Variants in STARD9 observed in about 807,000 individuals in gnomAD.
STARD9 encodes stAR-related lipid transfer protein 9.
STARD9 carries 346 observed loss-of-function variants against 399.8 expected under a neutral mutation model. The observed-to-expected ratio is 0.87, with a 90% CI of 0.79 to 0.95. The LOEUF (loss-of-function observed/expected upper bound fraction) is 0.95. Among genes scored for constraint, STARD9 ranks in the 40% least tolerant of loss-of-function variants. STARD9 has a pLI of 0.00. For synonymous variants in STARD9, 2,203 were observed against 2,143.5 expected, an observed-to-expected ratio of 1.03 and a Z score of -0.77; for missense variants, 5,832 against 5,667.5, an observed-to-expected ratio of 1.03 and a Z score of -0.93.
chr15:42,713,744 C>T (rs1455708010), intron 26 of STARD9, among the ~76,000 whole-genome samples: 3 of 152,072 alleles, frequency 2.0e-5, no homozygotes, highest in Admixed American at 6.6e-5. Flanking sequence ...ATCCTACTTG[C>T]TCGTGATATA....
intron 3 of STARD9, among the ~76,000 whole-genome samples, chr15:42,621,059 C>T (rs1176962109): frequency 6.6e-6 from 1 of 152,104 alleles, no homozygotes; most frequent in Non-Finnish European, 1.5e-5. Flanking sequence ...GTATACATGT[C>T]CCTTAATTTG....
At chr15:42,609,141 G>A (rs994168212) in intron 3 of STARD9, among the ~76,000 whole-genome samples, 1 of 152,102 alleles carries the variant, frequency 6.6e-6, no homozygotes, top group African/African-American at 2.4e-5. Flanking sequence ...AGTGGGGGGC[G>A]GGAAGGGGAA....
At position 42,691,087 on chromosome 15, in the gene STARD9, G is replaced by GT; in HGVS notation, c.9515dup (p.Leu3172PhefsTer9). 2.0e-6 allele frequency: 3 copies of GT among 1,537,174 alleles called. No homozygotes were observed. Among genetic ancestry groups the GT allele is most frequent in the Non-Finnish European group, 1.7e-6 (2 of 1,146,902 alleles). ...GAATGTTTAGAAAATACCACTAGATGTTTTTTGGAAAAGCCACAATTTTCC... is the reference window on the plus strand; with the variant it reads ...GAATGTTTAGAAAATACCACTAGATGTTTTTTTGGAAAAGCCACAATTTTCC... On this transcript the variant is annotated frameshift_variant, in exon 23 of 33. Transcript: ENST00000290607. LOFTEE classifies it high-confidence loss of function.
At position 42,687,609 on chromosome 15, in the gene STARD9, T is replaced by C; in HGVS notation, c.6031T>C (p.Cys2011Arg). The change falls in exon 23 of 33, where the codon TGC (cysteine) becomes CGC (arginine). Residue 2011 changes from cysteine (C) to arginine (R), a missense_variant. Around this residue, in one of 2 missense-constraint regions of STARD9, gnomAD observed 5,828 missense variants for 5,651.1 expected, o/e 1.03. Transcript: ENST00000290607. Reference sequence around the variant, plus strand: ...ATATGAAAGGTTCCAGTTAGTTGCATGCCCTCAGGAAAGAAACCCCAGTGA... The same window carrying C: ...ATATGAAAGGTTCCAGTTAGTTGCACGCCCTCAGGAAAGAAACCCCAGTGA... ...PAYERFQLVA[C>R]PQERNPSECK... The C allele has an allele frequency of 6.5e-7, 1 of 1,537,082 alleles. No individual in the cohort carries two copies.
rs772387314 is a variant in STARD9 at position 42,691,871 on chromosome 15, A to T, written c.10293A>T (p.Glu3431Asp). 5.9e-6 allele frequency: 9 copies of T among 1,537,186 alleles called. No homozygotes were observed. The highest frequency in any genetic ancestry group is 7.8e-6 in the Non-Finnish European group (9 of 1,146,930). ...CCAGCTGGATGTCTGGTACTTTGGA[A>T]CAAGCCCAACAGGGAAAGCGAGAGA... The part of the protein sequence containing the change: ...FTTSWMSGTL[E>D]QAQQGKREKL... The change falls in exon 23 of 33, where the codon GAA becomes GAT. Residue 3431 changes from glutamate to aspartate, a missense_variant. By Grantham distance (45) the Glu-to-Asp change is conservative (BLOSUM62 2). This residue lies in a region of STARD9 where 5,828 missense variants were observed against 5,651.1 expected (regional missense o/e 1.03). Coordinates refer to ENST00000290607, the MANE Select transcript of STARD9 (RefSeq NM_020759.3).
intron 7 of STARD9, 90 bp from the exon 8 acceptor site, chr15:42,650,926 G>C: frequency 2.3e-6 from 2 of 857,144 alleles, no homozygotes; most frequent in South Asian, 3.9e-5. Context: ...TAAACAATAT[G>C]AAATAGGAAT....
intron 26 of STARD9, among the ~76,000 whole-genome samples, chr15:42,697,556 A>C (rs1419575731): frequency 7.9e-5 from 12 of 152,210 alleles, no homozygotes; most frequent in Non-Finnish European, 4.4e-5. Flanking sequence ...CAGAAATTCA[A>C]AATACTCCAA....
In STARD9 at chr15:42,688,284, C is replaced by A. The variant is rs745345477; in HGVS notation, c.6706C>A (p.Gln2236Lys). The stretch of plus-strand genomic sequence containing the variant: ...AAAAGCATCAGCAAGTCTCAAAGGG[C>A]AGCCTTGGGGCTTAGGAAGTCTTGA... ...FVKASASLKG[Q>K]PWGLGSLEEL... is the part of the protein sequence containing the mutation. The change falls in exon 23 of 33, where the codon CAG (glutamine) becomes AAG (lysine). Residue 2236 changes from glutamine to lysine, a missense_variant. Physicochemically the swap from Gln to Lys is moderately conservative, Grantham distance 53. Coordinates refer to ENST00000290607, the MANE Select transcript of STARD9 (RefSeq NM_020759.3). The A allele has an allele frequency of 3.3e-6, 5 of 1,537,538 alleles. No homozygotes were observed.
rs376795636 is a variant in STARD9 at position 42,688,856 on chromosome 15, G to A, written c.7278G>A (p.Glu2426=). The A allele has an allele frequency of 2.0e-6, 3 of 1,537,148 alleles. No homozygotes were observed. Among genetic ancestry groups the A allele is most frequent in the Non-Finnish European group, 2.6e-6 (3 of 1,146,908 alleles). The part of the protein sequence containing the change: ...MGSHSQSGVP[E]SIPLGTEDRI... ...CTCATAGTCAATCTGGTGTACCAGA[G>A]AGCATTCCTCTGGGGACAGAGGACA... The change falls in exon 23 of 33, where the codon GAG becomes GAA. Residue 2426 remains glutamate, a synonymous_variant. Coordinates refer to ENST00000290607, the MANE Select transcript of STARD9 (RefSeq NM_020759.3).
intron 19 of STARD9, 27 bp downstream of exon 19, chr15:42,675,773 A>T: frequency 6.5e-7 from 1 of 1,535,248 alleles, no homozygotes; most frequent in Non-Finnish European, 8.7e-7. Context: ...TTTCTAGGTT[A>T]TTGCTGGCCT....
At chr15:42,581,484 G>A in intron 1 of STARD9, 1 of 1,507,192 alleles carries the variant, frequency 6.6e-7, no homozygotes, top group South Asian at 1.2e-5. Flanking sequence ...AGCGGAGGAG[G>A]ACATGGCTGT....
At chr15:42,697,239 C>T (rs1308066957) in intron 26 of STARD9, among the ~76,000 whole-genome samples, 1 of 152,066 alleles carries the variant, frequency 6.6e-6, no homozygotes, top group African/African-American at 2.4e-5. Flanking sequence ...GATATCATTG[C>T]ATATCAGTAA....
At chr15:42,606,932 C>T (rs1381811473) in intron 3 of STARD9, among the ~76,000 whole-genome samples, 1 of 151,822 alleles carries the variant, frequency 6.6e-6, no homozygotes, top group East Asian at 1.9e-4. Flanking sequence ...GACCCAGAGG[C>T]TGGGTTTTGA....
At position 42,688,104 on chromosome 15, in the gene STARD9, C is replaced by T; in HGVS notation, c.6526C>T (p.Pro2176Ser). ...EHTHPAGSDRPARDICDSLGK... is the reference protein window; with the variant it reads ...EHTHPAGSDRSARDICDSLGK... ...CACCCACCCAGCTGGATCGGACAGA[C>T]CTGCCAGGGATATTTGTGATTCTTT... is the stretch of plus-strand genomic sequence containing the variant. The change falls in exon 23 of 33, where the codon CCT becomes TCT. Residue 2176 changes from proline (P) to serine (S), a missense_variant. This residue lies in a region of STARD9 where 5,828 missense variants were observed against 5,651.1 expected (regional missense o/e 1.03). Transcript: ENST00000290607. 6.5e-7 allele frequency: 1 copy of T among 1,537,344 alleles called. No individual in the cohort carries two copies. The highest frequency in any genetic ancestry group is 8.7e-7 in the Non-Finnish European group (1 of 1,146,954).
intron 7 of STARD9, among the ~76,000 whole-genome samples, chr15:42,641,529 C>T (rs2059537957): frequency 1.3e-5 from 2 of 148,392 alleles, no homozygotes; most frequent in Admixed American, 1.3e-4. Flanking sequence ...CCACAACAGG[C>T]CCCTGTGTGT....
chr15:42,708,267 G>A (rs1002206074), intron 26 of STARD9, among the ~76,000 whole-genome samples: 1 of 152,240 alleles, frequency 6.6e-6, no homozygotes, highest in Non-Finnish European at 1.5e-5. Flanking sequence ...CTTCTTCAAT[G>A]GAAGATGGTC....
In STARD9 at chr15:42,583,399, A is replaced by T; in HGVS notation, c.101A>T (p.Lys34Ile). The T allele has an allele frequency of 6.5e-7, 1 of 1,537,040 alleles. No homozygotes were observed. Among genetic ancestry groups the T allele is most frequent in the South Asian group, 1.2e-5 (1 of 84,056 alleles). Residue 34 changes from lysine to isoleucine, a missense_variant, in exon 2 of 33, where the codon AAA becomes ATA. This residue lies in a region of STARD9 where 5,828 missense variants were observed against 5,651.1 expected (regional missense o/e 1.03). Transcript: ENST00000290607. The part of the protein sequence containing the change: ...IIVEVDGKVA[K>I]IRNLKVDNRP... ...GTGGAAGTTGATGGCAAAGTGGCAA[A>T]AATCAGGAATTTAAAGGTAAGCCTG...
At chr15:42,593,282 A>G (rs902106496) in intron 3 of STARD9, among the ~76,000 whole-genome samples, 2 of 152,072 alleles carry the variant, frequency 1.3e-5, no homozygotes, top group African/African-American at 4.8e-5. Context: ...GGTGAGGAAC[A>G]TCTGTTGGCG....
intron 26 of STARD9, among the ~76,000 whole-genome samples, chr15:42,696,088 T>G (rs2060841240): frequency 6.6e-6 from 1 of 152,258 alleles, no homozygotes; most frequent in African/African-American, 2.4e-5. Flanking sequence ...CAAATGTTTA[T>G]TCTGTGGGTA....
Sources: gnomAD v4.1 joint callset for allele counts (sites outside exome capture counted in the v4.1 genomes callset) on GRCh38, gnomAD v4.1.1 for gene constraint, gnomAD v4.1.1 regional missense constraint, MANE v1.5 for transcripts, NCBI Gene and HGNC (gene_info 2026-07-23, HGNC 2026-07-21) for gene names.